DKK2: variants seen among roughly 807,000 people sequenced by gnomAD.
DKK2 encodes the protein dickkopf-related protein 2.
DKK2 carries 11 observed loss-of-function variants against 28.1 expected under a neutral mutation model. The ratio of observed to expected loss-of-function variants is 0.39; its 90% CI spans 0.25 to 0.65. The LOEUF (loss-of-function observed/expected upper bound fraction) is 0.65, where lower values mean the gene tolerates loss of function less well. DKK2 is among the 30% of genes least tolerant of loss of function. The pLI, the probability that DKK2 is intolerant of heterozygous loss-of-function variation, is 0.47. For synonymous variants in DKK2, 135 were observed against 126.5 expected, an observed-to-expected ratio of 1.07 and a Z score of -0.45; for missense variants, 326 against 335.5, an observed-to-expected ratio of 0.97 and a Z score of 0.22.
chr4:107,012,583 T>C (rs1723532148), intron 1 of DKK2, among the ~76,000 whole-genome samples: 1 of 151,302 alleles, frequency 6.6e-6, no homozygotes, highest in Non-Finnish European at 1.5e-5. Flanking sequence ...AAGAATATAC[T>C]AGTTCATATA....
chr4:107,012,743 T>A (rs529000007), intron 1 of DKK2, among the ~76,000 whole-genome samples: 2 of 151,268 alleles, frequency 1.3e-5, no homozygotes, highest in East Asian at 3.9e-4. Flanking sequence ...TTTATCATGA[T>A]ATTGCAGCAT....
In DKK2 at chr4:106,924,041, G is replaced by A. The variant is rs34830201; in HGVS notation, c.693C>T (p.Cys231=). The change falls in exon 4 of 4, where the codon TGC becomes TGT. Residue 231 remains cysteine, a synonymous_variant. Coordinates refer to ENST00000285311, the MANE Select transcript of DKK2 (RefSeq NM_014421.3). Reference sequence around the variant, plus strand: ...TGCAAGACAGGCCCTTCGCACAGTCGCAACGCTGGAAAATTTCCAGCCCAT... The same window carrying A: ...TGCAAGACAGGCCCTTCGCACAGTCACAACGCTGGAAAATTTCCAGCCCAT... ...GSHGLEIFQR[C]DCAKGLSCKV... is the part of the protein sequence containing the mutation. 57,098 of 1,613,866 alleles carry A rather than the reference G, an allele frequency of 0.035. 1,221 individuals carry two copies. The highest frequency in any genetic ancestry group is 0.041 in the Non-Finnish European group (48,434 of 1,179,876).
At chr4:106,990,392 C>G (rs17037182) in intron 1 of DKK2, among the ~76,000 whole-genome samples, 6,930 of 152,200 alleles carry the variant, frequency 0.046, 247 homozygotes, top group African/African-American at 0.096. Context: ...AGTGGTTTCA[C>G]AAACCTCAAG....
Position 106,925,784 on chromosome 4 carries a change from A to T in DKK2, c.373+15T>A, listed in dbSNP as rs1219986756. On this transcript the variant is annotated intron_variant, in intron 2 of 3. Coordinates refer to ENST00000285311, the MANE Select transcript of DKK2 (RefSeq NM_014421.3). ...AAAAGAAAGAGGCCCATTAACACTT[A>T]GTGAGATCTTTTACCATTATTGCAG... is the stretch of plus-strand genomic sequence containing the variant. 2 of 1,601,410 alleles carry T rather than the reference A, an allele frequency of 1.2e-6. No homozygotes were observed. The highest frequency in any genetic ancestry group is 2.7e-5 in the African/African-American group (2 of 74,000).
chr4:106,986,079 A>G (rs186266574), intron 1 of DKK2, among the ~76,000 whole-genome samples: 1 of 152,136 alleles, frequency 6.6e-6, no homozygotes, highest in Non-Finnish European at 1.5e-5. Flanking sequence ...ATTCAATTTA[A>G]TGCCCACAGT....
At chr4:106,965,483 C>T (rs1227414914) in intron 1 of DKK2, among the ~76,000 whole-genome samples, 3 of 151,998 alleles carry the variant, frequency 2.0e-5, no homozygotes, top group East Asian at 1.9e-4. Flanking sequence ...TTTTATATAA[C>T]CTCCCTTGTT....
chr4:106,941,180 C>G (rs971452043), intron 1 of DKK2, among the ~76,000 whole-genome samples: 1 of 151,916 alleles, frequency 6.6e-6, no homozygotes, highest in African/African-American at 2.4e-5. Context: ...GGCTCCACCA[C>G]AGAACTCTAC....
At chr4:106,983,329 G>GACGAAAGGAAGAAAGA (rs1560585797) in intron 1 of DKK2, among the ~76,000 whole-genome samples, 4 of 57,764 alleles carry the variant, frequency 6.9e-5, no homozygotes, top group African/African-American at 2.7e-4. Flanking sequence ...AGAAAGAAAG[G>GACGAAAGGAAGAAAGA]AAGAAAGGAA....
intron 1 of DKK2, among the ~76,000 whole-genome samples, chr4:106,990,895 T>C (rs1723194601): frequency 6.6e-6 from 1 of 152,112 alleles, no homozygotes; most frequent in Non-Finnish European, 1.5e-5. Context: ...TCTTTTTATC[T>C]TTGACTTCTG....
intron 1 of DKK2, among the ~76,000 whole-genome samples, chr4:106,956,747 T>C (rs1358574020): frequency 2.6e-5 from 4 of 151,644 alleles, no homozygotes; most frequent in Non-Finnish European, 5.9e-5. Context: ...ATACAAAAAT[T>C]AATTCAAGAT....
chr4:106,959,249 T>C (rs1392553003), intron 1 of DKK2, among the ~76,000 whole-genome samples: 1 of 152,146 alleles, frequency 6.6e-6, no homozygotes, highest in East Asian at 1.9e-4. Flanking sequence ...GAATGAAATA[T>C]CCCAAATATC....
At chr4:107,028,841 C>A (rs1368237811) in intron 1 of DKK2, among the ~76,000 whole-genome samples, 1 of 152,222 alleles carries the variant, frequency 6.6e-6, no homozygotes, top group African/African-American at 2.4e-5. Flanking sequence ...AAAGCCTGTG[C>A]TTCTCTGTCA....
chr4:107,013,051 T>C (rs1723537879), intron 1 of DKK2, among the ~76,000 whole-genome samples: 1 of 151,112 alleles, frequency 6.6e-6, no homozygotes, highest in Non-Finnish European at 1.5e-5. Flanking sequence ...TTGCCTCTAT[T>C]TAGTGTAGCT....
chr4:107,035,508 G>A lies in DKK2; in HGVS notation c.84C>T (p.Ile28=), dbSNP rs766930791. Residue 28 remains isoleucine, a synonymous_variant, in exon 1 of 4, where the codon ATC becomes ATT. Coordinates refer to ENST00000285311, the MANE Select transcript of DKK2 (RefSeq NM_014421.3). ...AGTTGAGTTTGGCCCGCGAACTGCC[G>A]ATCTGTGAGCTCTCCACCATCAGCA... ...AAVLMVESSQ[I]GSSRAKLNSI... is the part of the protein sequence containing the mutation. 9 of 1,614,184 alleles carry A rather than the reference G, an allele frequency of 5.6e-6. No individual in the cohort carries two copies. Among genetic ancestry groups the A allele is most frequent in the South Asian group, 1.1e-5 (1 of 91,084 alleles).
chr4:106,965,516 C>G (rs905747645), intron 1 of DKK2, among the ~76,000 whole-genome samples: 1 of 152,018 alleles, frequency 6.6e-6, no homozygotes, highest in Non-Finnish European at 1.5e-5. Context: ...ATAATTATTT[C>G]TGTTTAATTC....
chr4:107,000,929 C>T lies in DKK2; in HGVS notation c.222+34441G>A, dbSNP rs116610421. On this transcript the variant is annotated intron_variant, in intron 1 of 3. Coordinates refer to ENST00000285311, the MANE Select transcript of DKK2 (RefSeq NM_014421.3). ...TCAAAATTACTCAAACTGTACTAAC[C>T]GTAACAGGTTCTAAGTTCATAGACT... Among the ~76,000 whole-genome samples, 1,393 of 152,072 alleles carry T rather than the reference C, an allele frequency of 9.2e-3. 22 individuals are homozygous for T. The highest frequency in any genetic ancestry group is 0.032 in the African/African-American group (1,313 of 41,492).
At chr4:106,990,905 G>C (rs541453983) in intron 1 of DKK2, among the ~76,000 whole-genome samples, 214 of 151,960 alleles carry the variant, frequency 1.4e-3, no homozygotes, top group African/African-American at 4.9e-3. Context: ...TTTGACTTCT[G>C]TACATGTAGA....
chr4:106,985,045 TA>T (rs1234023309), intron 1 of DKK2, among the ~76,000 whole-genome samples: 1 of 151,820 alleles, frequency 6.6e-6, no homozygotes, highest in Non-Finnish European at 1.5e-5. Context: ...CCGTCTCTAC[TA>T]AAAATACAAA....
chr4:106,969,566 T>C (rs535988446), intron 1 of DKK2, among the ~76,000 whole-genome samples: 1 of 152,206 alleles, frequency 6.6e-6, no homozygotes, highest in South Asian at 2.1e-4. Flanking sequence ...AGGAGTGATA[T>C]TCTTTTCCCC....
Sources: allele counts gnomAD v4.1 joint callset (sites outside exome capture counted in the v4.1 genomes callset), GRCh38; gene constraint gnomAD v4.1.1; transcripts MANE v1.5; gene names NCBI Gene and HGNC (gene_info 2026-07-23, HGNC 2026-07-21).